The following NKAIN2 variants were observed in gnomAD, a reference collection of about 807,000 sequenced individuals.
NKAIN2 encodes the protein sodium/potassium transporting ATPase interacting 2, also known as sodium/potassium-transporting ATPase subunit beta-1-interacting protein 2.
In NKAIN2, 14 loss-of-function variants were observed where a neutral mutation model predicts 32.6. The ratio of observed to expected loss-of-function variants is 0.43; its 90% CI spans 0.28 to 0.67. The LOEUF (loss-of-function observed/expected upper bound fraction) is 0.67. NKAIN2 is among the 30% of genes least tolerant of loss of function. The pLI is 0.17. For missense variants in NKAIN2, 198 were observed against 258.3 expected (o/e 0.77, Z 1.60); for synonymous variants, 80 against 87.2 (o/e 0.92, Z 0.46).
chr6:123,957,948 G>A (rs1582841931), intron 1 of NKAIN2, among the ~76,000 whole-genome samples: 1 of 152,092 alleles, frequency 6.6e-6, no homozygotes, highest in Non-Finnish European at 1.5e-5. Context: ...TTATGGTTAG[G>A]TTGGATTGAC....
intron 2 of NKAIN2, among the ~76,000 whole-genome samples, chr6:124,327,798 G>A (rs1391367942): frequency 2.6e-5 from 4 of 152,138 alleles, no homozygotes; most frequent in Admixed American, 2.6e-4. Flanking sequence ...ATTAGAATAT[G>A]TATGTGGATG....
intron 3 of NKAIN2, among the ~76,000 whole-genome samples, chr6:124,427,408 G>A (rs1276748652): frequency 6.6e-6 from 1 of 152,128 alleles, no homozygotes; most frequent in Non-Finnish European, 1.5e-5. Context: ...TGATTATGGT[G>A]ATGATTTCAT....
intron 5 of NKAIN2, among the ~76,000 whole-genome samples, chr6:124,806,931 AG>A (rs1366498725): frequency 6.6e-6 from 1 of 152,228 alleles, no homozygotes; most frequent in African/African-American, 2.4e-5. Context: ...TTCAACAAGA[AG>A]AGCTAACTAT....
At chr6:123,968,930 C>T (rs937135864) in intron 1 of NKAIN2, among the ~76,000 whole-genome samples, 2 of 152,138 alleles carry the variant, frequency 1.3e-5, no homozygotes, top group South Asian at 2.1e-4. Context: ...CTGGCCTGGA[C>T]CCCCTCCTCT....
intron 4 of NKAIN2, among the ~76,000 whole-genome samples, chr6:124,716,204 T>C (rs917794954): frequency 2.0e-5 from 3 of 152,224 alleles, no homozygotes; most frequent in African/African-American, 7.2e-5. Flanking sequence ...AATTTTTAGA[T>C]AATAGACATT....
At chr6:124,760,805 C>T (rs1778229500) in intron 4 of NKAIN2, among the ~76,000 whole-genome samples, 1 of 152,144 alleles carries the variant, frequency 6.6e-6, no homozygotes, top group South Asian at 2.1e-4. Flanking sequence ...CTCACTTCAC[C>T]CTGAAATCTT....
At chr6:124,127,395 G>C (rs1048105592) in intron 1 of NKAIN2, among the ~76,000 whole-genome samples, 3 of 152,184 alleles carry the variant, frequency 2.0e-5, no homozygotes, top group Non-Finnish European at 2.9e-5. Context: ...CCTGCTTCAT[G>C]ATGGCCTTGA....
intron 3 of NKAIN2, among the ~76,000 whole-genome samples, chr6:124,522,214 T>C (rs1779143258): frequency 6.6e-6 from 1 of 152,100 alleles, no homozygotes; most frequent in African/African-American, 2.4e-5. Flanking sequence ...TAAAGTTATA[T>C]TCTATTCTCT....
intron 1 of NKAIN2, among the ~76,000 whole-genome samples, chr6:124,096,458 T>A (rs1784649643): frequency 6.6e-6 from 1 of 152,212 alleles, no homozygotes; most frequent in African/African-American, 2.4e-5. Context: ...CTTTCCTAAT[T>A]GTTTTTAGTT....
intron 1 of NKAIN2, among the ~76,000 whole-genome samples, chr6:124,263,680 C>G (rs774781916): frequency 6.6e-6 from 1 of 151,624 alleles, no homozygotes; most frequent in Non-Finnish European, 1.5e-5. Context: ...GTTTGTAAAC[C>G]GTATCATCTA....
chr6:124,163,889 G>C (rs1470162508), intron 1 of NKAIN2, among the ~76,000 whole-genome samples: 1 of 151,984 alleles, frequency 6.6e-6, no homozygotes, highest in Non-Finnish European at 1.5e-5. Flanking sequence ...ACAAACGATG[G>C]ATTAAGATAA....
intron 4 of NKAIN2, among the ~76,000 whole-genome samples, chr6:124,737,445 G>C (rs966046432): frequency 2.0e-5 from 3 of 151,854 alleles, no homozygotes; most frequent in Non-Finnish European, 4.4e-5. Context: ...GTGGAACTGT[G>C]AGTCAATTAA....
chr6:124,518,088 T>G (rs1364302431), intron 3 of NKAIN2, among the ~76,000 whole-genome samples: 3 of 152,074 alleles, frequency 2.0e-5, no homozygotes, highest in Admixed American at 6.6e-5. Context: ...TCAAAAATTT[T>G]TATTGTACCA....
intron 1 of NKAIN2, among the ~76,000 whole-genome samples, chr6:123,945,896 C>T (rs1777040351): frequency 1.3e-5 from 2 of 152,120 alleles, no homozygotes; most frequent in African/African-American, 4.8e-5. Flanking sequence ...ATGACTGAGC[C>T]TTCAGCACAA....
intron 4 of NKAIN2, among the ~76,000 whole-genome samples, chr6:124,754,347 T>C (rs1158626964): frequency 6.6e-6 from 1 of 152,132 alleles, no homozygotes; most frequent in Non-Finnish European, 1.5e-5. Flanking sequence ...CTTTAATTAA[T>C]TAAATTAGAC....
At chr6:123,994,804 G>T (rs1779550770) in intron 1 of NKAIN2, among the ~76,000 whole-genome samples, 1 of 152,100 alleles carries the variant, frequency 6.6e-6, no homozygotes, top group South Asian at 2.1e-4. Flanking sequence ...ACCTGTATGT[G>T]TTTTTATGTC....
intron 1 of NKAIN2, among the ~76,000 whole-genome samples, chr6:124,072,659 A>C (rs1783516707): frequency 6.6e-6 from 1 of 152,104 alleles, no homozygotes; most frequent in African/African-American, 2.4e-5. Context: ...TCTATTCGTA[A>C]GCTCCTGCCT....
chr6:123,958,183 C>A (rs750303717), intron 1 of NKAIN2, among the ~76,000 whole-genome samples: 43 of 151,984 alleles, frequency 2.8e-4, no homozygotes, highest in Non-Finnish European at 3.7e-4. Context: ...TATCTTTAGG[C>A]CCTTTTGAGT....
At chr6:124,693,847 C>T (rs1426139469) in intron 4 of NKAIN2, among the ~76,000 whole-genome samples, 3 of 152,206 alleles carry the variant, frequency 2.0e-5, no homozygotes, top group Non-Finnish European at 4.4e-5. Context: ...TGTCTTAAGA[C>T]CCATAGAGAA....
Sources: gnomAD v4.1 joint callset for allele counts (sites outside exome capture counted in the v4.1 genomes callset) on GRCh38, gnomAD v4.1.1 for gene constraint, MANE v1.5 for transcripts, NCBI Gene and HGNC (gene_info 2026-07-23, HGNC 2026-07-21) for gene names.